The following GNAT3 variants were observed in gnomAD, a reference collection of about 807,000 sequenced individuals.
GNAT3 encodes guanine nucleotide-binding protein G(t) subunit alpha-3.
A neutral mutation model predicts 37.7 loss-of-function variants in GNAT3; 31 were observed. The observed-to-expected ratio is 0.82, with a 90% CI of 0.62 to 1.11. GNAT3 has a LOEUF of 1.11. GNAT3 is among the 50% of genes most tolerant of loss of function. The probability of loss-of-function intolerance (pLI) is 0.00; values close to 1 mark genes in which losing one functional copy is unlikely to be tolerated. For missense variants in GNAT3, 437 were observed against 412.5 expected, an observed-to-expected ratio of 1.06 and a Z score of -0.51; for synonymous variants, 138 against 139.8, an observed-to-expected ratio of 0.99 and a Z score of 0.09.
At chr7:80,503,495 T>C (rs988057351) in intron 1 of GNAT3, among the ~76,000 whole-genome samples, 2 of 152,232 alleles carry the variant, frequency 1.3e-5, no homozygotes, top group Non-Finnish European at 2.9e-5. Context: ...ATCTATTTCA[T>C]AAGATTTTCT....
intron 4 of GNAT3, among the ~76,000 whole-genome samples, chr7:80,475,341 A>T (rs1254084193): frequency 1.7e-4 from 26 of 151,550 alleles, no homozygotes; most frequent in Admixed American, 1.6e-3. Context: ...AACTCTTGAA[A>T]CGAGATAATG....
intron 7 of GNAT3, among the ~76,000 whole-genome samples, chr7:80,459,337 G>A (rs2116131166): frequency 6.6e-6 from 1 of 152,284 alleles, no homozygotes; most frequent in South Asian, 2.1e-4. Flanking sequence ...AGACTTGAGG[G>A]TAGGGTCGGG....
In GNAT3 at chr7:80,481,705, C is replaced by G. The variant is rs570090582; in HGVS notation, c.304-2707G>C. The stretch of plus-strand genomic sequence containing the variant: ...CTGGTGAGATTAGCTGAAAGTCTAG[C>G]ACTTTTTAAAGGTCTACATAGGAAA... On this transcript the variant is annotated intron_variant, in intron 3 of 7. Transcript: ENST00000398291. 3.3e-5 allele frequency among the ~76,000 whole-genome samples: 5 copies of G among 152,180 alleles called. No homozygotes were observed. The South Asian group carries it at 1.0e-3, about 32-fold the overall frequency.
At chr7:80,501,872 C>T (rs942818772) in intron 1 of GNAT3, among the ~76,000 whole-genome samples, 4 of 151,866 alleles carry the variant, frequency 2.6e-5, no homozygotes, top group Admixed American at 1.3e-4. Context: ...TTCTGTGATA[C>T]AGAAAAAATA....
intron 4 of GNAT3, 123 bp from the exon 5 acceptor site, chr7:80,474,502 C>T (rs543676710): frequency 2.7e-6 from 1 of 375,914 alleles, no homozygotes; most frequent in Non-Finnish European, 4.6e-6. Flanking sequence ...TTTAACTTTG[C>T]GTTTGAAGAA....
At chr7:80,479,555 CA>C (rs1790357169) in intron 3 of GNAT3, among the ~76,000 whole-genome samples, 2 of 151,080 alleles carry the variant, frequency 1.3e-5, no homozygotes, top group Admixed American at 6.6e-5. Context: ...TTTTTCTCTA[CA>C]AAAAAATTAG....
At chr7:80,482,919 A>G (rs910217400) in intron 3 of GNAT3, among the ~76,000 whole-genome samples, 30 of 152,118 alleles carry the variant, frequency 2.0e-4, no homozygotes, top group African/African-American at 6.0e-4. Flanking sequence ...AAACACTTCA[A>G]TGTTACAAAG....
At chr7:80,486,533 C>T (rs1253974656) in intron 3 of GNAT3, 2 of 151,550 alleles carry the variant, frequency 1.3e-5, no homozygotes, top group African/African-American at 2.4e-5. Flanking sequence ...CAACCTCAAC[C>T]TCCCAAGCTC....
At chr7:80,491,097 G>T (rs1451410492) in intron 2 of GNAT3, among the ~76,000 whole-genome samples, 1 of 152,162 alleles carries the variant, frequency 6.6e-6, no homozygotes, top group East Asian at 1.9e-4. Flanking sequence ...ATGAAGGGAA[G>T]AGAAGGGAGG....
intron 1 of GNAT3, among the ~76,000 whole-genome samples, chr7:80,505,422 A>G (rs1471034325): frequency 6.6e-6 from 1 of 152,162 alleles, no homozygotes; most frequent in Non-Finnish European, 1.5e-5. Flanking sequence ...GCTGGAGTGC[A>G]GTGGCACAAT....
At chr7:80,466,990 C>T (rs1428227559) in intron 5 of GNAT3, among the ~76,000 whole-genome samples, 1 of 152,076 alleles carries the variant, frequency 6.6e-6, no homozygotes, top group African/African-American at 2.4e-5. Flanking sequence ...CCTTATGTTC[C>T]TCATAACAAT....
intron 7 of GNAT3, among the ~76,000 whole-genome samples, chr7:80,460,889 A>G (rs911262795): frequency 1.3e-5 from 2 of 152,164 alleles, no homozygotes; most frequent in Non-Finnish European, 2.9e-5. Context: ...GGGATGGGAA[A>G]GAAAGTACAT....
chr7:80,498,003 A>T (rs1465356763), intron 1 of GNAT3, among the ~76,000 whole-genome samples: 3 of 152,170 alleles, frequency 2.0e-5, no homozygotes, highest in Non-Finnish European at 4.4e-5. Flanking sequence ...TGTATTATAG[A>T]GAAATATTTT....
chr7:80,480,741 G>A (rs917712401), intron 3 of GNAT3, among the ~76,000 whole-genome samples: 2 of 152,042 alleles, frequency 1.3e-5, no homozygotes, highest in Admixed American at 6.6e-5. Context: ...GGAGTATAGC[G>A]GTGAGGACAA....
chr7:80,490,380 G>A (rs1398160629), intron 2 of GNAT3, among the ~76,000 whole-genome samples: 2 of 152,162 alleles, frequency 1.3e-5, no homozygotes, highest in African/African-American at 4.8e-5. Context: ...AGAGGACTGA[G>A]TTATAAGAAG....
intron 1 of GNAT3, among the ~76,000 whole-genome samples, chr7:80,509,971 G>A (rs533072106): frequency 1.3e-5 from 2 of 152,150 alleles, no homozygotes; most frequent in South Asian, 4.1e-4. Context: ...TATCATTTTT[G>A]TGGTAAGTGC....
At chr7:80,504,090 C>A (rs142820116) in intron 1 of GNAT3, among the ~76,000 whole-genome samples, 1 of 152,214 alleles carries the variant, frequency 6.6e-6, no homozygotes, top group Non-Finnish European at 1.5e-5. Context: ...CCGAGACAGG[C>A]AGATCGCTTG....
At chr7:80,471,653 C>A (rs6961082) in intron 5 of GNAT3, among the ~76,000 whole-genome samples, 12,089 of 152,146 alleles carry the variant, frequency 0.079, 573 homozygotes, top group East Asian at 0.14. Flanking sequence ...ACACTGAAAA[C>A]AACACTCTAC....
At chr7:80,475,191 A>G (rs1456526649) in intron 4 of GNAT3, among the ~76,000 whole-genome samples, 1 of 151,900 alleles carries the variant, frequency 6.6e-6, no homozygotes, top group Non-Finnish European at 1.5e-5. Context: ...AAAAATTGTT[A>G]GTATTAACAG....
Sources: allele counts gnomAD v4.1 joint callset (sites outside exome capture counted in the v4.1 genomes callset), GRCh38; gene constraint gnomAD v4.1.1; transcripts MANE v1.5; gene names NCBI Gene and HGNC (gene_info 2026-07-23, HGNC 2026-07-21).